SANBR: variants seen among roughly 807,000 people sequenced by gnomAD.
SANBR encodes the protein SANT and BTB domain regulator of class switch recombination.
SANBR carries 77 observed loss-of-function variants against 101.8 expected under a neutral mutation model. The ratio of observed to expected loss-of-function variants is 0.76; its 90% CI spans 0.63 to 0.91. The LOEUF is 0.91. Ranked by LOEUF, SANBR falls within the 40% of genes least tolerant of loss-of-function variation. SANBR has a pLI of 0.00. For missense variants in SANBR, 875 were observed against 853.0 expected (o/e 1.03, Z -0.32); for synonymous variants, 279 against 274.7 (o/e 1.02, Z -0.15).
intron 13 of SANBR, among the ~76,000 whole-genome samples, chr2:61,105,251 AG>A (rs1366753489): frequency 6.6e-6 from 1 of 151,912 alleles, no homozygotes; most frequent in East Asian, 2.0e-4. Flanking sequence ...CTGTAATCCT[AG>A]CTATTTGAGA....
rs1684846730 is a variant in SANBR, at chr2:61,136,306, A to C, written c.*45-1158A>C. Among the ~76,000 whole-genome samples, 4 of 150,976 alleles carry C rather than the reference A, an allele frequency of 2.6e-5. No individual in the cohort carries two copies. In the South Asian group the frequency reaches 8.4e-4, roughly 32 times the overall value. The stretch of plus-strand genomic sequence containing the variant: ...GCAACAGAGCGAGACTCGTCTGAAA[A>C]AAAAAAAAAGAAAAAAGAATCTAAA... On this transcript the variant is annotated intron_variant, in intron 21 of 21. Coordinates refer to the SANBR transcript ENST00000295031.
At chr2:61,117,611 T>C in intron 19 of SANBR, 71 bp downstream of exon 19, 1 of 1,325,074 alleles carries the variant, frequency 7.5e-7, no homozygotes. Context: ...TTTCATTTTA[T>C]ACAGTATGCT....
intron 6 of SANBR, among the ~76,000 whole-genome samples, chr2:61,080,735 AC>A (rs1170805637): frequency 1.3e-5 from 2 of 151,948 alleles, no homozygotes; most frequent in Non-Finnish European, 2.9e-5. Context: ...AAAAACAACA[AC>A]AAAAAAAAAC....
chr2:61,120,491 T>G (rs1177292), intron 20 of SANBR, among the ~76,000 whole-genome samples: 115,786 of 152,158 alleles, frequency 0.76, 45,097 homozygotes, highest in African/African-American at 0.9. Context: ...CACAGAGCGA[T>G]ACTCCATCTC....
chr2:61,095,391 A>T (rs1447769244), intron 11 of SANBR, among the ~76,000 whole-genome samples: 2 of 152,202 alleles, frequency 1.3e-5, no homozygotes, highest in Non-Finnish European at 2.9e-5. Flanking sequence ...TCAAATTTTT[A>T]AAATTAAAAA....
At position 61,098,079 on chromosome 2, in the gene SANBR, T is replaced by A. The variant is rs957421826; in HGVS notation, c.1365+227T>A. On this transcript the variant is annotated intron_variant, in intron 12 of 21. Transcript: ENST00000402291. ...AAATTATATATATATATATATATAT[T>A]TTTTGGAGGTTTTTGTTTTTTGTTT... Among the ~76,000 whole-genome samples, 17 of 143,994 alleles carry A rather than the reference T, an allele frequency of 1.2e-4. 1 individual carries two copies. Among genetic ancestry groups the A allele is most frequent in the South Asian group, 8.6e-4 (4 of 4,674 alleles). The allele number at this position is 143,994 out of a possible 152,430, so 94.5% of individuals were successfully genotyped here. A position where few individuals can be genotyped will look rare whatever the true frequency, so the allele number is the denominator to read the frequency against.
chr2:61,080,615 G>A (rs1221978408), intron 6 of SANBR, among the ~76,000 whole-genome samples: 2 of 152,090 alleles, frequency 1.3e-5, no homozygotes, highest in Admixed American at 6.5e-5. Flanking sequence ...CAGCTACTCA[G>A]GAGGCTAATG....
rs181432529 is a variant in SANBR at position 61,121,268 on chromosome 2, A to G, written c.2112A>G (p.Lys704=). 6 of 1,550,660 alleles carry G rather than the reference A, an allele frequency of 3.9e-6. No homozygotes were observed. The East Asian group carries it at 9.8e-5, about 25-fold the overall frequency. Reference sequence around the variant, plus strand: ...GTGCACGCCAAAGCAGCTCAGAGAAAAACACAAGGTAAATCAGCATAAACT... The same window carrying G: ...GTGCACGCCAAAGCAGCTCAGAGAAGAACACAAGGTAAATCAGCATAAACT... ...PVSARQSSSE[K]NTRSKSRFGQ... is the part of the protein sequence containing the mutation. Residue 704 remains lysine (K), a synonymous_variant, in exon 21 of 22, where the codon AAA becomes AAG. Transcript: ENST00000402291.
Position 61,114,716 on chromosome 2 carries a change from G to A in SANBR, c.1745-1263G>A, listed in dbSNP as rs143992896. ...GTTGCCCAGGCTTCAATGCCGTGTCGTGATCACAGCTCACTGCAGCCTCGA... is the reference window on the plus strand; with the variant it reads ...GTTGCCCAGGCTTCAATGCCGTGTCATGATCACAGCTCACTGCAGCCTCGA... On this transcript the variant is annotated intron_variant, in intron 16 of 21. Coordinates refer to ENST00000402291, the MANE Select transcript of SANBR (RefSeq NM_001129993.3). 5.9e-3 allele frequency among the ~76,000 whole-genome samples: 894 copies of A among 152,160 alleles called. 8 individuals are homozygous for A. The highest frequency in any genetic ancestry group is 0.02 in the African/African-American group (843 of 41,506).
intron 16 of SANBR, among the ~76,000 whole-genome samples, chr2:61,113,174 T>A (rs923356294): frequency 6.6e-6 from 1 of 152,238 alleles, no homozygotes; most frequent in African/African-American, 2.4e-5. Flanking sequence ...TTTCTTCCAT[T>A]GATTCTTATG....
intron 16 of SANBR, 92 bp from the exon 17 acceptor site, chr2:61,115,887 G>T: frequency 1.4e-6 from 1 of 705,690 alleles, no homozygotes; most frequent in Non-Finnish European, 2.3e-6. Flanking sequence ...TTAAAACAAT[G>T]TTTTTCTTAA....
intron 5 of SANBR, 39 bp from the exon 6 acceptor site, chr2:61,076,881 A>G (rs762646992): frequency 1.4e-6 from 2 of 1,445,770 alleles, no homozygotes; most frequent in Middle Eastern, 1.8e-4. Flanking sequence ...CTTTTCTAAA[A>G]CTCTAATAAT....
At chr2:61,078,618 T>C (rs1681918828) in intron 6 of SANBR, among the ~76,000 whole-genome samples, 1 of 152,000 alleles carries the variant, frequency 6.6e-6, no homozygotes, top group Admixed American at 6.6e-5. Flanking sequence ...GACAGGGTTT[T>C]GCCTTGTTTG....
intron 4 of SANBR, 135 bp downstream of exon 4, chr2:61,071,927 C>A: frequency 1.7e-6 from 1 of 599,584 alleles, no homozygotes; most frequent in Non-Finnish European, 2.8e-6. Flanking sequence ...ATATTTGTAT[C>A]TTCCTGAATT....
At chr2:61,135,183 A>G (rs1316018327) in intron 21 of SANBR, among the ~76,000 whole-genome samples, 1 of 152,254 alleles carries the variant, frequency 6.6e-6, no homozygotes, top group Non-Finnish European at 1.5e-5. Flanking sequence ...TGTTTTAATC[A>G]TGGCACTTTT....
At chr2:61,131,523 G>C (rs181176101) in intron 20 of SANBR, among the ~76,000 whole-genome samples, 2 of 152,244 alleles carry the variant, frequency 1.3e-5, no homozygotes, top group East Asian at 3.9e-4. Context: ...AAATATTGTT[G>C]AAAGAAATTA....
At chr2:61,133,657 A>G (rs1411876460) in intron 20 of SANBR, among the ~76,000 whole-genome samples, 1 of 152,244 alleles carries the variant, frequency 6.6e-6, no homozygotes, top group South Asian at 2.1e-4. Flanking sequence ...ATAAACCTTG[A>G]AAACATGCTA....
chr2:61,135,030 A>C (rs1684803041), intron 21 of SANBR, among the ~76,000 whole-genome samples: 2 of 152,104 alleles, frequency 1.3e-5, no homozygotes, highest in Non-Finnish European at 2.9e-5. Flanking sequence ...TCTCTACTAA[A>C]AATACAAAAA....
chr2:61,077,578 T>C (rs994265308), intron 6 of SANBR, among the ~76,000 whole-genome samples: 8 of 151,294 alleles, frequency 5.3e-5, no homozygotes, highest in African/African-American at 1.9e-4. Context: ...CATAGTTACA[T>C]AGTTAATAAG....
Sources: gnomAD v4.1 joint callset for allele counts (sites outside exome capture counted in the v4.1 genomes callset) on GRCh38, gnomAD v4.1.1 for gene constraint, MANE v1.5 for transcripts, NCBI Gene and HGNC (gene_info 2026-07-23, HGNC 2026-07-21) for gene names.